Variants in CRACDL observed in about 807,000 individuals in gnomAD.
The protein encoded by CRACDL is CRACD-like protein.
Under a neutral mutation model 70.6 loss-of-function variants are expected in CRACDL, and 26 were observed. The ratio of observed to expected loss-of-function variants is 0.37; its 90% confidence interval spans 0.27 to 0.51. CRACDL has a LOEUF of 0.51. Among genes scored for constraint, CRACDL ranks in the 20% least tolerant of loss-of-function variants. CRACDL has a pLI of 0.94. For missense variants in CRACDL, 1,283 were observed against 1,376.9 expected (o/e 0.93, Z 1.08); for synonymous variants, 618 against 615.2 (o/e 1.00, Z -0.07).
chr2:98,878,174 T>C (rs1337382102), intron 1 of CRACDL, among the ~76,000 whole-genome samples: 1 of 152,196 alleles, frequency 6.6e-6, no homozygotes, highest in Non-Finnish European at 1.5e-5. Context: ...CTCAAACTCC[T>C]GACCTTGGGT....
intron 1 of CRACDL, among the ~76,000 whole-genome samples, chr2:98,911,872 C>T (rs531776840): frequency 3.9e-5 from 6 of 152,294 alleles, no homozygotes; most frequent in African/African-American, 1.4e-4. Context: ...CATATGGCTA[C>T]GGGAAACCCA....
At chr2:98,908,508 G>C (rs1708468951) in intron 1 of CRACDL, 2 of 152,282 alleles carry the variant, frequency 1.3e-5, no homozygotes, top group African/African-American at 4.8e-5. Flanking sequence ...ACAGCCTGTG[G>C]ATAGCCTGTC....
chr2:98,797,394 T>C lies in CRACDL; in HGVS notation c.2560A>G (p.Lys854Glu). The change falls in exon 8 of 10, where the codon AAG becomes GAG. Residue 854 changes from lysine to glutamate, a missense_variant. Physicochemically the swap from Lys to Glu is moderately conservative, Grantham distance 56. This residue lies in a region of CRACDL where 921 missense variants were observed against 881.9 expected (regional missense o/e 1.04). Transcript: ENST00000397899. Reference protein sequence around the residue: ...QEDKPGARTLKSEPGKQAKVP... With the variant: ...QEDKPGARTLESEPGKQAKVP... ...TTGGCTTGCTTTCCTGGTTCAGACTTCAGGGTCCGTGCCCCAGGCTTGTCT... is the reference window on the plus strand; with the variant it reads ...TTGGCTTGCTTTCCTGGTTCAGACTCCAGGGTCCGTGCCCCAGGCTTGTCT... 1 of 1,614,216 alleles carries C rather than the reference T, an allele frequency of 6.2e-7. No individual in the cohort carries two copies. The highest frequency in any genetic ancestry group is 8.5e-7 in the Non-Finnish European group (1 of 1,180,028).
At chr2:98,837,452 T>C (rs966978994) in intron 3 of CRACDL, among the ~76,000 whole-genome samples, 3 of 150,870 alleles carry the variant, frequency 2.0e-5, no homozygotes, top group African/African-American at 7.4e-5. Flanking sequence ...GCCAGCGTTG[T>C]CTTAAAAAAA....
At chr2:98,865,058 A>G (rs1271571702) in intron 1 of CRACDL, among the ~76,000 whole-genome samples, 2 of 152,122 alleles carry the variant, frequency 1.3e-5, no homozygotes, top group Admixed American at 1.3e-4. Flanking sequence ...GAAAACACAA[A>G]CGTGGACAGA....
At chr2:98,805,253 A>G (rs908691466) in intron 7 of CRACDL, among the ~76,000 whole-genome samples, 1 of 152,080 alleles carries the variant, frequency 6.6e-6, no homozygotes, top group African/African-American at 2.4e-5. Flanking sequence ...ATTTCTCTGT[A>G]TGCATATTAT....
chr2:98,822,920 C>T lies in CRACDL; in HGVS notation c.1353G>A (p.Lys451=), dbSNP rs968056643. 2 of 1,473,758 alleles carry T rather than the reference C, an allele frequency of 1.4e-6. No individual in the cohort carries two copies. The highest frequency in any genetic ancestry group is 2.5e-5 in the Admixed American group (1 of 39,480). 91.3% of individuals were successfully genotyped at this position (1,473,758 alleles called of 1,614,324 possible). ...GCTCAGGCGCCGGCCCTGGGGGCCCCTTCTCCTCATCCGGGAGCACGGGCG... is the reference window on the plus strand; with the variant it reads ...GCTCAGGCGCCGGCCCTGGGGGCCCTTTCTCCTCATCCGGGAGCACGGGCG... ...PTPPVLPDEE[K]GPPGPAPEPE... Residue 451 remains lysine (K), a synonymous_variant, in exon 7 of 10, where the codon AAG becomes AAA. Transcript: ENST00000397899. This position sits in a 1 kb window ranked among gnomAD's most constrained non-coding sequence, Gnocchi z 4.9.
chr2:98,832,762 A>T, intron 4 of CRACDL, 100 bp downstream of exon 4: 1 of 1,457,592 alleles, frequency 6.9e-7, no homozygotes, highest in Non-Finnish European at 9.6e-7. Flanking sequence ...ATGTGATTCT[A>T]CTTTACAGCA....
chr2:98,884,033 G>A (rs571458844), intron 1 of CRACDL, among the ~76,000 whole-genome samples: 8 of 152,322 alleles, frequency 5.3e-5, no homozygotes, highest in East Asian at 1.9e-4. Flanking sequence ...GCTGGGAAGC[G>A]GCGTGTGTTG....
intron 1 of CRACDL, among the ~76,000 whole-genome samples, chr2:98,876,574 G>A (rs1274796209): frequency 6.6e-6 from 1 of 152,220 alleles, no homozygotes; most frequent in African/African-American, 2.4e-5. Context: ...CCCTGATGGT[G>A]TGAGGTGGAA....
intron 1 of CRACDL, among the ~76,000 whole-genome samples, chr2:98,868,373 G>A (rs62156503): frequency 0.38 from 57,311 of 151,962 alleles, 11,303 homozygotes; most frequent in African/African-American, 0.49. Flanking sequence ...TACTGACAGA[G>A]ACTGCCCTAC....
intron 5 of CRACDL, among the ~76,000 whole-genome samples, chr2:98,830,527 C>T (rs1298089432): frequency 6.6e-6 from 1 of 152,186 alleles, no homozygotes; most frequent in Admixed American, 6.5e-5. Context: ...TAAAAACTTT[C>T]AGGCCTCAAA....
At chr2:98,879,290 T>G (rs1388546374) in intron 1 of CRACDL, among the ~76,000 whole-genome samples, 1 of 152,232 alleles carries the variant, frequency 6.6e-6, no homozygotes, top group African/African-American at 2.4e-5. Context: ...TCGCTTTTAT[T>G]AAGGTCTTTC....
intron 1 of CRACDL, among the ~76,000 whole-genome samples, chr2:98,917,440 CAT>C (rs1708692546): frequency 6.6e-6 from 1 of 152,218 alleles, no homozygotes. Flanking sequence ...TCTCCCAAGG[CAT>C]ATGAGAGTCC....
intron 1 of CRACDL, among the ~76,000 whole-genome samples, chr2:98,919,451 T>C (rs1708745859): frequency 6.6e-6 from 1 of 152,252 alleles, no homozygotes; most frequent in South Asian, 2.1e-4. Flanking sequence ...ATATAATACA[T>C]TAGTCATTTA....
In CRACDL at chr2:98,838,172, C is replaced by T. The variant is rs1476231031; in HGVS notation, c.186G>A (p.Glu62=). Residue 62 remains glutamate, a synonymous_variant, in exon 3 of 10, where the codon GAG becomes GAA. Transcript: ENST00000397899. ...STWKQSQTRN[E]VIAIESGPVG... ...CTGGCCCGGATTCGATGGCAATGAC[C>T]TCATTCCTCGTCTGACTTTGTTTCC... The T allele has an allele frequency of 2.5e-6, 4 of 1,614,058 alleles. No homozygotes were observed. The highest frequency in any genetic ancestry group is 8.5e-7 in the Non-Finnish European group (1 of 1,179,926).
intron 1 of CRACDL, among the ~76,000 whole-genome samples, chr2:98,879,742 C>T (rs1306142744): frequency 5.9e-5 from 9 of 152,180 alleles, no homozygotes; most frequent in Non-Finnish European, 1.2e-4. Flanking sequence ...CACAGGGTTT[C>T]GCCGTGTTGC....
At chr2:98,795,077 A>ATATATATATATATTT in intron 9 of CRACDL, among the ~76,000 whole-genome samples, 3 of 58,502 alleles carry the variant, frequency 5.1e-5, no homozygotes, top group African/African-American at 2.0e-4. Flanking sequence ...ATATATATAT[A>ATATATATATATATTT]TTTTTTTTTT....
chr2:98,905,920 G>A (rs1164151626), intron 1 of CRACDL, among the ~76,000 whole-genome samples: 3 of 151,916 alleles, frequency 2.0e-5, no homozygotes, highest in African/African-American at 7.3e-5. Flanking sequence ...CCCGGCCTAG[G>A]TGTGATTTTT....
Sources: allele counts gnomAD v4.1 joint callset (sites outside exome capture counted in the v4.1 genomes callset), GRCh38; gene constraint gnomAD v4.1.1; regional missense constraint gnomAD v4.1.1; non-coding constraint Gnocchi (gnomAD v3.1); transcripts MANE v1.5; gene names NCBI Gene and HGNC (gene_info 2026-07-23, HGNC 2026-07-21).